DCC: variants seen among roughly 807,000 people sequenced by gnomAD.
The protein encoded by DCC is netrin receptor DCC.
In DCC, 58 loss-of-function variants were observed where a neutral mutation model predicts 172.5. The ratio of observed to expected loss-of-function variants is 0.34; its 90% confidence interval spans 0.27 to 0.42. The LOEUF (loss-of-function observed/expected upper bound fraction) is 0.42, where lower values mean the gene tolerates loss of function less well. DCC is among the 10% of genes least tolerant of loss of function. The pLI, the probability that DCC is intolerant of heterozygous loss-of-function variation, is 1.00. For synonymous variants in DCC, 709 were observed against 644.5 expected, an observed-to-expected ratio of 1.10 and a Z score of -1.52; for missense variants, 1,740 against 1,791.0, an observed-to-expected ratio of 0.97 and a Z score of 0.51.
chr18:52,976,945 C>A (rs2041128048), intron 5 of DCC, among the ~76,000 whole-genome samples: 1 of 152,112 alleles, frequency 6.6e-6, no homozygotes, highest in Non-Finnish European at 1.5e-5. Context: ...AGTTTGTAAA[C>A]CTTAACTCAT....
rs138330551 is a variant in DCC at position 53,499,482 on chromosome 18, C to T, written c.4083C>T (p.Val1361=). ...CAATGAGTGCAATAGAACCGAAAGT[C>T]CCTTACACACCACTTTTGTCTCAGC... is the stretch of plus-strand genomic sequence containing the variant. The part of the protein sequence containing the change: ...PPPMSAIEPK[V]PYTPLLSQPG... Residue 1361 remains valine, a synonymous_variant, in exon 27 of 29, where the codon GTC becomes GTT. Transcript: ENST00000442544. 72 of 1,614,066 alleles carry T rather than the reference C, an allele frequency of 4.5e-5. No homozygotes were observed. The African/African-American group carries it at 9.3e-4, about 21-fold the overall frequency.
chr18:53,513,533 G>T (rs1472992197), intron 27 of DCC, among the ~76,000 whole-genome samples: 1 of 152,182 alleles, frequency 6.6e-6, no homozygotes, highest in Non-Finnish European at 1.5e-5. Context: ...TGGATAAAGA[G>T]TCAAGAACCA....
At chr18:53,083,756 A>G (rs2042838369) in intron 7 of DCC, among the ~76,000 whole-genome samples, 1 of 152,198 alleles carries the variant, frequency 6.6e-6, no homozygotes, top group Admixed American at 6.6e-5. Flanking sequence ...GGGTTGTCAT[A>G]TCAAATTTCC....
chr18:52,370,258 T>C (rs993458903), intron 1 of DCC, among the ~76,000 whole-genome samples: 1 of 152,174 alleles, frequency 6.6e-6, no homozygotes, highest in Admixed American at 6.5e-5. Flanking sequence ...AATCATTCTA[T>C]TATAAAGATA....
At chr18:52,872,121 A>C (rs1226214712) in intron 2 of DCC, among the ~76,000 whole-genome samples, 2 of 152,190 alleles carry the variant, frequency 1.3e-5, no homozygotes, top group African/African-American at 4.8e-5. Flanking sequence ...ATTTACAGGA[A>C]CATGGGAGAG....
At chr18:52,573,853 A>C (rs2033354544) in intron 1 of DCC, among the ~76,000 whole-genome samples, 2 of 152,194 alleles carry the variant, frequency 1.3e-5, no homozygotes, top group African/African-American at 2.4e-5. Flanking sequence ...CCAGATTCCT[A>C]GTCCCAGACT....
chr18:52,357,831 G>T (rs1313559916), intron 1 of DCC, among the ~76,000 whole-genome samples: 2 of 151,984 alleles, frequency 1.3e-5, no homozygotes, highest in Admixed American at 6.6e-5. Flanking sequence ...CCAGCTACTC[G>T]GGAGGCTGAG....
chr18:52,624,815 G>A (rs549992210), intron 1 of DCC, among the ~76,000 whole-genome samples: 2 of 152,254 alleles, frequency 1.3e-5, no homozygotes, highest in Admixed American at 6.5e-5. Context: ...CAAGACACTC[G>A]TGGTTTAAAA....
chr18:52,433,480 C>T (rs1987690578), intron 1 of DCC, among the ~76,000 whole-genome samples: 1 of 152,038 alleles, frequency 6.6e-6, no homozygotes, highest in Non-Finnish European at 1.5e-5. Context: ...TACATCAAGT[C>T]CAATTTTGTA....
intron 1 of DCC, among the ~76,000 whole-genome samples, chr18:52,400,762 C>T (rs1473131769): frequency 1.3e-5 from 2 of 151,942 alleles, no homozygotes; most frequent in African/African-American, 4.8e-5. Flanking sequence ...TACTATGCAG[C>T]CATAAAAAGG....
chr18:52,556,879 C>A (rs1037229110), intron 1 of DCC, among the ~76,000 whole-genome samples: 1 of 152,156 alleles, frequency 6.6e-6, no homozygotes, highest in Non-Finnish European at 1.5e-5. Flanking sequence ...TTTGGACTAA[C>A]TCTCAAATTC....
intron 1 of DCC, among the ~76,000 whole-genome samples, chr18:52,649,712 C>A (rs2035090777): frequency 6.6e-6 from 1 of 152,122 alleles, no homozygotes; most frequent in African/African-American, 2.4e-5. Context: ...CCAATTCTAT[C>A]CATGTTGCCA....
chr18:53,497,659 C>A (rs770348587), intron 26 of DCC, among the ~76,000 whole-genome samples: 3 of 152,346 alleles, frequency 2.0e-5, no homozygotes. Context: ...TACAAGCACA[C>A]AAGTGTTTCT....
chr18:52,441,951 A>G (rs2144497021), intron 1 of DCC, among the ~76,000 whole-genome samples: 1 of 152,308 alleles, frequency 6.6e-6, no homozygotes, highest in Middle Eastern at 3.4e-3. Context: ...CTGTTTGCAA[A>G]TGAGATGTGC....
chr18:53,322,427 A>G (rs1222249590), intron 14 of DCC, among the ~76,000 whole-genome samples: 1 of 152,158 alleles, frequency 6.6e-6, no homozygotes, highest in East Asian at 1.9e-4. Context: ...ATCTGAAATA[A>G]GATATTTTCT....
At chr18:52,838,920 G>A (rs1157201712) in intron 2 of DCC, among the ~76,000 whole-genome samples, 1 of 152,144 alleles carries the variant, frequency 6.6e-6, no homozygotes, top group Non-Finnish European at 1.5e-5. Context: ...GTGAAAAGAA[G>A]GGATTTAAGC....
intron 2 of DCC, among the ~76,000 whole-genome samples, chr18:52,854,907 C>T (rs1474490581): frequency 1.3e-5 from 2 of 152,154 alleles, no homozygotes; most frequent in Non-Finnish European, 2.9e-5. Flanking sequence ...AGATAATTGG[C>T]CCCCACAGGA....
At chr18:52,746,411 A>G (rs982027640) in intron 1 of DCC, among the ~76,000 whole-genome samples, 2 of 152,210 alleles carry the variant, frequency 1.3e-5, no homozygotes, top group Non-Finnish European at 2.9e-5. Flanking sequence ...GCTACTTCTT[A>G]TAAATTTCAT....
chr18:53,091,091 A>G (rs1248787346), intron 7 of DCC, among the ~76,000 whole-genome samples: 1 of 151,892 alleles, frequency 6.6e-6, no homozygotes, highest in Admixed American at 6.6e-5. Context: ...TTGAGCCCCA[A>G]CTCTCTATAG....
Sources: gnomAD v4.1 joint callset for allele counts (sites outside exome capture counted in the v4.1 genomes callset) on GRCh38, gnomAD v4.1.1 for gene constraint, MANE v1.5 for transcripts, NCBI Gene and HGNC (gene_info 2026-07-23, HGNC 2026-07-21) for gene names.